UGGT2: variants seen among roughly 807,000 people sequenced by gnomAD.
The protein encoded by UGGT2 is UDP-glucose glycoprotein glucosyltransferase 2.
Under a neutral mutation model 192.1 loss-of-function variants are expected in UGGT2, and 180 were observed. The ratio of observed to expected loss-of-function variants is 0.94; its 90% CI spans 0.83 to 1.06. The LOEUF (loss-of-function observed/expected upper bound fraction) is 1.06, where lower values mean the gene tolerates loss of function less well. UGGT2 is among the 50% of genes least tolerant of loss of function. The pLI is 0.00. For synonymous variants in UGGT2, 580 were observed against 591.0 expected (o/e 0.98, Z 0.27); for missense variants, 1,849 against 1,795.7 (o/e 1.03, Z -0.54).
intron 7 of UGGT2, among the ~76,000 whole-genome samples, chr13:95,994,871 C>T (rs1021485160): frequency 6.6e-6 from 1 of 151,926 alleles, no homozygotes; most frequent in Non-Finnish European, 1.5e-5. Context: ...TGAGGTTTAG[C>T]CATTCTATAA....
At chr13:95,829,644 C>CGAGG (rs1886449035) in intron 38 of UGGT2, among the ~76,000 whole-genome samples, 1 of 152,158 alleles carries the variant, frequency 6.6e-6, no homozygotes, top group Non-Finnish European at 1.5e-5. Context: ...AAGAGAACTA[C>CGAGG]AAACCACTGC....
At chr13:95,874,182 G>T (rs1420959544) in intron 29 of UGGT2, among the ~76,000 whole-genome samples, 1 of 151,974 alleles carries the variant, frequency 6.6e-6, no homozygotes, top group Non-Finnish European at 1.5e-5. Context: ...CTAGTGTTTT[G>T]TAACTTATAA....
At chr13:95,940,263 G>A (rs1231126804) in intron 15 of UGGT2, among the ~76,000 whole-genome samples, 172 bp from the exon 16 acceptor site, 3 of 151,156 alleles carry the variant, frequency 2.0e-5, no homozygotes, top group African/African-American at 4.9e-5. Flanking sequence ...TAATAAAGAT[G>A]GTTTTAAAAT....
intron 1 of UGGT2, among the ~76,000 whole-genome samples, chr13:96,051,302 A>G (rs2053478329): frequency 6.6e-6 from 1 of 152,088 alleles, no homozygotes; most frequent in Admixed American, 6.5e-5. Flanking sequence ...TGGACACACA[A>G]TGGGGAACAT....
chr13:95,895,034 C>T (rs1427311295), intron 23 of UGGT2, 146 bp downstream of exon 23: 5 of 762,678 alleles, frequency 6.6e-6, no homozygotes, highest in Non-Finnish European at 9.7e-6. Flanking sequence ...TAAATGGATG[C>T]CTTTTATTAT....
rs551268029 is a variant in UGGT2 at position 95,945,233 on chromosome 13, T to C, written c.1677+1804A>G. Among the ~76,000 whole-genome samples, 3 of 152,208 alleles carry C rather than the reference T, an allele frequency of 2.0e-5. No individual in the cohort carries two copies. In the East Asian group the frequency reaches 5.8e-4, roughly 29 times the overall value. On this transcript the variant is annotated intron_variant, in intron 15 of 38. Coordinates refer to ENST00000376747, the MANE Select transcript of UGGT2 (RefSeq NM_020121.4). Reference sequence around the variant, plus strand: ...ATTTTGGTCTTATATTCTTCTCTCTTTATAGTGCTAAATAGCTTCAAATTA... The same window carrying C: ...ATTTTGGTCTTATATTCTTCTCTCTCTATAGTGCTAAATAGCTTCAAATTA...
chr13:96,007,270 C>T (rs757541340), intron 5 of UGGT2, among the ~76,000 whole-genome samples: 5 of 152,172 alleles, frequency 3.3e-5, no homozygotes, highest in Admixed American at 6.5e-5. Context: ...TCCCTCCCCC[C>T]CAACAAACTA....
At chr13:95,859,553 A>G in intron 33 of UGGT2, 38 bp downstream of exon 33, 1 of 1,451,702 alleles carries the variant, frequency 6.9e-7, no homozygotes, top group Non-Finnish European at 9.6e-7. Flanking sequence ...TTTACTATTC[A>G]AACATTAACC....
intron 22 of UGGT2, among the ~76,000 whole-genome samples, chr13:95,899,915 A>G (rs2048054033): frequency 6.6e-6 from 1 of 152,158 alleles, no homozygotes; most frequent in Non-Finnish European, 1.5e-5. Context: ...AGTAAGTGAA[A>G]AACAAAACAT....
At chr13:95,982,480 A>C (rs1257874371) in intron 10 of UGGT2, among the ~76,000 whole-genome samples, 2 of 152,184 alleles carry the variant, frequency 1.3e-5, no homozygotes, top group African/African-American at 2.4e-5. Context: ...TATGCATAAT[A>C]GGGTGGAGTG....
chr13:96,022,240 C>T (rs2052535959), intron 4 of UGGT2, among the ~76,000 whole-genome samples: 1 of 151,794 alleles, frequency 6.6e-6, no homozygotes, highest in South Asian at 2.1e-4. Flanking sequence ...AAATAAATTA[C>T]AGATAGATTA....
At chr13:95,989,878 AT>A in intron 8 of UGGT2, 94 bp downstream of exon 8, 1 of 779,630 alleles carries the variant, frequency 1.3e-6, no homozygotes, top group Non-Finnish European at 2.0e-6. Context: ...AATACTGTCC[AT>A]AAAATAATCT....
chr13:95,844,706 A>G (rs921339924), intron 36 of UGGT2, among the ~76,000 whole-genome samples: 1 of 152,208 alleles, frequency 6.6e-6, no homozygotes, highest in African/African-American at 2.4e-5. Context: ...TACCTAGATG[A>G]TCACATTGAC....
intron 36 of UGGT2, among the ~76,000 whole-genome samples, chr13:95,839,170 C>T (rs1048580844): frequency 6.6e-6 from 1 of 151,990 alleles, no homozygotes; most frequent in African/African-American, 2.4e-5. Context: ...ACCCCCCATG[C>T]CGACTGTTTT....
At chr13:95,922,039 T>C (rs1430492355) in intron 20 of UGGT2, among the ~76,000 whole-genome samples, 1 of 152,216 alleles carries the variant, frequency 6.6e-6, no homozygotes, top group Non-Finnish European at 1.5e-5. Context: ...TGCCCACCAA[T>C]GGTGGACTGA....
At chr13:95,996,508 A>AT (rs1277256675) in intron 6 of UGGT2, among the ~76,000 whole-genome samples, 3 of 152,062 alleles carry the variant, frequency 2.0e-5, no homozygotes, top group Admixed American at 6.5e-5. Flanking sequence ...AAAAAAAAAA[A>AT]AAATTAGAAC....
intron 2 of UGGT2, among the ~76,000 whole-genome samples, chr13:96,028,184 CTCATA>C (rs1432292316): frequency 2.0e-4 from 31 of 152,330 alleles, no homozygotes; most frequent in African/African-American, 6.7e-4. Context: ...AGATCTCTCA[CTCATA>C]TATCAGCTTA....
intron 12 of UGGT2, among the ~76,000 whole-genome samples, chr13:95,969,234 A>T (rs1566773635): frequency 6.6e-6 from 1 of 152,312 alleles, no homozygotes; most frequent in African/African-American, 2.4e-5. Flanking sequence ...CATATATCAC[A>T]TTAAGCACAC....
intron 28 of UGGT2, 80 bp downstream of exon 28, chr13:95,877,618 G>T (rs770249623): frequency 3.4e-6 from 5 of 1,471,456 alleles, no homozygotes; most frequent in Non-Finnish European, 3.7e-6. Flanking sequence ...GCAGAATAAA[G>T]ATTATTTCAT....
Sources: gnomAD v4.1 joint callset for allele counts (sites outside exome capture counted in the v4.1 genomes callset) on GRCh38, gnomAD v4.1.1 for gene constraint, MANE v1.5 for transcripts, NCBI Gene and HGNC (gene_info 2026-07-23, HGNC 2026-07-21) for gene names.